The following TASP1 variants were observed in gnomAD, a reference collection of about 807,000 sequenced individuals.
The protein encoded by TASP1 is taspase 1, also known as threonine aspartase 1.
Under a neutral mutation model 56.6 loss-of-function variants are expected in TASP1, and 16 were observed. That is an observed-to-expected ratio of 0.28 (90% CI 0.19 to 0.43). The LOEUF (loss-of-function observed/expected upper bound fraction) is 0.43. Ranked by LOEUF, TASP1 falls within the 20% of genes least tolerant of loss-of-function variation. TASP1 has a pLI of 1.00. For missense variants in TASP1, 393 were observed against 511.6 expected (o/e 0.77, Z 2.24); for synonymous variants, 179 against 184.2 (o/e 0.97, Z 0.23).
At chr20:13,369,215 G>A in the TASP1 span, among the ~76,000 whole-genome samples, 8 of 152,222 alleles carry the variant, frequency 5.3e-5, no homozygotes, top group African/African-American at 1.9e-4. Flanking sequence ...GGAGGCTGAG[G>A]CAGGTGGATC....
chr20:13,292,901 T>G, the TASP1 span, among the ~76,000 whole-genome samples: 1 of 151,890 alleles, frequency 6.6e-6, no homozygotes, highest in Admixed American at 6.6e-5. Flanking sequence ...CCTGCAAAAA[T>G]TTTTTATACA....
chr20:13,512,285 AAT>A (rs1429023852), intron 10 of TASP1, among the ~76,000 whole-genome samples: 1 of 151,898 alleles, frequency 6.6e-6, no homozygotes, highest in African/African-American at 2.4e-5. Flanking sequence ...CTGACTTCTT[AAT>A]GATCACCATT....
chr20:13,390,512 C>A, intron 13 of TASP1, 60 bp from the exon 14 acceptor site: 7 of 1,499,780 alleles, frequency 4.7e-6, no homozygotes, highest in South Asian at 1.2e-5. Context: ...TTGCCACACC[C>A]CTACCCGTGT....
At chr20:13,180,289 C>A in the TASP1 span, among the ~76,000 whole-genome samples, 1 of 152,166 alleles carries the variant, frequency 6.6e-6, no homozygotes, top group South Asian at 2.1e-4. Flanking sequence ...TACACCCCAG[C>A]CAGACAATAA....
At chr20:13,254,171 T>G in the TASP1 span, among the ~76,000 whole-genome samples, 3 of 151,708 alleles carry the variant, frequency 2.0e-5, no homozygotes, top group African/African-American at 7.3e-5. Flanking sequence ...AGGGGGAGGT[T>G]GCAGTGAGCC....
At chr20:13,423,491 A>T (rs530394198) in intron 12 of TASP1, among the ~76,000 whole-genome samples, 2 of 151,628 alleles carry the variant, frequency 1.3e-5, no homozygotes, top group Non-Finnish European at 1.5e-5. Flanking sequence ...GCTGCAGTTT[A>T]AAAAAAAACA....
At chr20:13,591,004 TA>T (rs1419022309) in intron 4 of TASP1, among the ~76,000 whole-genome samples, 2 of 142,590 alleles carry the variant, frequency 1.4e-5, no homozygotes, top group African/African-American at 5.2e-5. Flanking sequence ...AATACAGCAA[TA>T]AAAATTATCC....
the TASP1 span, among the ~76,000 whole-genome samples, chr20:13,277,228 G>A: frequency 6.6e-6 from 1 of 152,120 alleles, no homozygotes; most frequent in African/African-American, 2.4e-5. Flanking sequence ...GGCACGTTTT[G>A]TTTAAGCAAT....
In TASP1 at chr20:13,528,453, G is replaced by C; in HGVS notation, c.854C>G (p.Ser285Cys). 1 of 1,611,392 alleles carries C rather than the reference G, an allele frequency of 6.2e-7. No individual in the cohort carries two copies. Among genetic ancestry groups the C allele is most frequent in the Non-Finnish European group, 8.5e-7 (1 of 1,178,466 alleles). The stretch of plus-strand genomic sequence containing the variant: ...AATACCTGAGGTACTCACAGCTGTG[G>C]AGTAGGGGTTATGAGCTCCAGTATT... ...AENTGAHNPY[S>C]TAVSTSGCGE... The change falls in exon 10 of 14, where the codon TCC (serine) becomes TGC (cysteine). Residue 285 changes from serine to cysteine, a missense_variant. Ser to Cys is a moderately radical substitution (Grantham distance 112, BLOSUM62 -1). This residue lies in a region of TASP1 where 293 missense variants were observed against 354.2 expected (regional missense o/e 0.83). Transcript: ENST00000337743.
the TASP1 span, among the ~76,000 whole-genome samples, chr20:13,233,016 T>C: frequency 6.8e-6 from 1 of 145,992 alleles, no homozygotes; most frequent in Non-Finnish European, 1.5e-5. Flanking sequence ...GAAAATTCGA[T>C]GCTGGACCAA....
chr20:13,556,602 A>G (rs2046165576), intron 8 of TASP1, among the ~76,000 whole-genome samples: 1 of 152,308 alleles, frequency 6.6e-6, no homozygotes, highest in African/African-American at 2.4e-5. Context: ...AGCCCATACC[A>G]ACTGCTCCAG....
intron 11 of TASP1, among the ~76,000 whole-genome samples, chr20:13,436,178 G>A (rs1269883592): frequency 2.6e-5 from 4 of 152,090 alleles, no homozygotes; most frequent in African/African-American, 9.7e-5. Context: ...GCTGTAAAAT[G>A]CAAAAAGGTT....
the TASP1 span, among the ~76,000 whole-genome samples, chr20:13,161,386 G>T: frequency 6.6e-6 from 1 of 152,184 alleles, no homozygotes; most frequent in Non-Finnish European, 1.5e-5. Flanking sequence ...AGGAGAGTAT[G>T]CAAAGCTGGA....
chr20:13,127,178 A>T, the TASP1 span, among the ~76,000 whole-genome samples: 1 of 152,228 alleles, frequency 6.6e-6, no homozygotes, highest in Non-Finnish European at 1.5e-5. Flanking sequence ...CAAAACACAC[A>T]CAATAAGCTT....
chr20:13,337,206 G>A, the TASP1 span, among the ~76,000 whole-genome samples: 1 of 152,172 alleles, frequency 6.6e-6, no homozygotes, highest in African/African-American at 2.4e-5. Context: ...GGAATATTCT[G>A]GCTCACCTGG....
intron 13 of TASP1, among the ~76,000 whole-genome samples, chr20:13,398,563 T>G (rs191376099): frequency 6.6e-6 from 1 of 152,306 alleles, no homozygotes; most frequent in Admixed American, 6.5e-5. Context: ...ATGCCTTCCT[T>G]TAATACTAGC....
At chr20:13,446,695 C>G (rs371675544) in intron 11 of TASP1, among the ~76,000 whole-genome samples, 4 of 152,140 alleles carry the variant, frequency 2.6e-5, no homozygotes, top group African/African-American at 9.6e-5. Context: ...AAGTTTTTAT[C>G]AGAAAAAACG....
chr20:13,572,226 A>G (rs2046740506), intron 6 of TASP1, among the ~76,000 whole-genome samples: 1 of 152,240 alleles, frequency 6.6e-6, no homozygotes. Context: ...ACATTAAATA[A>G]AAATTGTCAA....
At chr20:13,411,569 T>C (rs577401938) in intron 13 of TASP1, among the ~76,000 whole-genome samples, 1 of 152,294 alleles carries the variant, frequency 6.6e-6, no homozygotes, top group Non-Finnish European at 1.5e-5. Context: ...CTTGATTTCT[T>C]TCTCCAGGCA....
Sources: allele counts gnomAD v4.1 joint callset (sites outside exome capture counted in the v4.1 genomes callset), GRCh38; gene constraint gnomAD v4.1.1; regional missense constraint gnomAD v4.1.1; transcripts MANE v1.5; gene names NCBI Gene and HGNC (gene_info 2026-07-23, HGNC 2026-07-21).